Variants in EPN2 observed in about 807,000 individuals in gnomAD.
EPN2 encodes the protein epsin 2, also known as epsin-2.
Under a neutral mutation model 61.7 loss-of-function variants are expected in EPN2, and 34 were observed. The observed-to-expected ratio is 0.55, with a 90% CI of 0.42 to 0.73. EPN2 has a LOEUF of 0.73. EPN2 is among the 30% of genes least tolerant of loss of function. The pLI is 0.00. For synonymous variants in EPN2, 349 were observed against 353.6 expected, an observed-to-expected ratio of 0.99 and a Z score of 0.15; for missense variants, 714 against 839.2, an observed-to-expected ratio of 0.85 and a Z score of 1.84.
At chr17:19,261,053 G>A (rs533422967) in intron 1 of EPN2, among the ~76,000 whole-genome samples, 1 of 152,292 alleles carries the variant, frequency 6.6e-6, no homozygotes, top group South Asian at 2.1e-4. Context: ...ATGACATGCC[G>A]GCGACAGTTG....
At chr17:19,262,454 G>A (rs1390973597) in intron 1 of EPN2, among the ~76,000 whole-genome samples, 1 of 152,052 alleles carries the variant, frequency 6.6e-6, no homozygotes, top group East Asian at 1.9e-4. Context: ...CTCCAGCCTG[G>A]GCAACAGGAG....
intron 1 of EPN2, among the ~76,000 whole-genome samples, chr17:19,250,334 G>T (rs2045001513): frequency 6.6e-6 from 1 of 152,066 alleles, no homozygotes; most frequent in African/African-American, 2.4e-5. Context: ...AACCTCAAGT[G>T]ATCCGCCTGT....
chr17:19,267,565 CAG>C (rs2045213095), intron 1 of EPN2, among the ~76,000 whole-genome samples: 1 of 145,250 alleles, frequency 6.9e-6, no homozygotes, highest in Non-Finnish European at 1.5e-5. Flanking sequence ...TAAAAAAAGA[CAG>C]AGTTCCACTC....
intron 7 of EPN2, among the ~76,000 whole-genome samples, chr17:19,323,520 G>C (rs1219439895): frequency 6.6e-6 from 1 of 152,196 alleles, no homozygotes; most frequent in East Asian, 1.9e-4. Flanking sequence ...GGAAACTGCA[G>C]AACACCAGAG....
rs565907127 is a variant in EPN2 at position 19,309,372 on chromosome 17, G to A, written c.767-513G>A. ...TCTCGATCTCTTGACCTTGTGATCC[G>A]CCCGCCTCGGCCTCCCAAAGTGTGA... On this transcript the variant is annotated intron_variant, in intron 4 of 10. Transcript: ENST00000314728. Among the ~76,000 whole-genome samples the A allele has an allele frequency of 6.6e-5, 10 of 152,178 alleles. No individual in the cohort carries two copies. The South Asian group carries it at 1.9e-3, about 28-fold the overall frequency.
intron 4 of EPN2, chr17:19,307,931 G>GT: frequency 2.0e-6 from 2 of 985,362 alleles, no homozygotes; most frequent in Non-Finnish European, 2.4e-6. Flanking sequence ...TAACCTTTTA[G>GT]TTTCTCTCAA....
intron 4 of EPN2, among the ~76,000 whole-genome samples, chr17:19,291,966 T>C (rs946290346): frequency 1.8e-4 from 28 of 152,096 alleles, no homozygotes; most frequent in African/African-American, 6.3e-4. Flanking sequence ...CACAGACACA[T>C]GTGCACTTAC....
At chr17:19,307,922 A>C in intron 4 of EPN2, 2 of 985,394 alleles carry the variant, frequency 2.0e-6, no homozygotes, top group African/African-American at 3.5e-5. Flanking sequence ...AATTATTCCT[A>C]ACCTTTTAGT....
At chr17:19,310,225 A>T (rs1906054373) in intron 5 of EPN2, among the ~76,000 whole-genome samples, 1 of 152,226 alleles carries the variant, frequency 6.6e-6, no homozygotes, top group Non-Finnish European at 1.5e-5. Flanking sequence ...TTTTCTAGGA[A>T]GTCATTGCCA....
chr17:19,311,902 A>G, intron 5 of EPN2, 150 bp from the exon 6 acceptor site: 1 of 666,928 alleles, frequency 1.5e-6, no homozygotes, highest in East Asian at 2.6e-5. Context: ...CACATTTGGG[A>G]TTTGAAAGTA....
intron 1 of EPN2, among the ~76,000 whole-genome samples, chr17:19,281,028 C>T (rs757908740): frequency 3.9e-5 from 6 of 152,156 alleles, no homozygotes; most frequent in Non-Finnish European, 8.8e-5. Flanking sequence ...TGAAGAGATG[C>T]ATAGGCCAGG....
intron 1 of EPN2, among the ~76,000 whole-genome samples, chr17:19,262,484 A>G (rs2045152848): frequency 6.6e-6 from 1 of 152,196 alleles, no homozygotes; most frequent in Admixed American, 6.5e-5. Flanking sequence ...TCCATCTCAA[A>G]AACAAAACAA....
At chr17:19,250,008 C>CT (rs1487059747) in intron 1 of EPN2, among the ~76,000 whole-genome samples, 1 of 152,150 alleles carries the variant, frequency 6.6e-6, no homozygotes, top group Non-Finnish European at 1.5e-5. Flanking sequence ...CTGCCTCCCA[C>CT]TTCCACTTTT....
chr17:19,300,018 G>A (rs1256692988), intron 4 of EPN2, among the ~76,000 whole-genome samples: 2 of 152,232 alleles, frequency 1.3e-5, no homozygotes, highest in African/African-American at 4.8e-5. Context: ...TGGGCAGATG[G>A]CCGGCTGGAA....
chr17:19,239,832 A>G (rs182277884), intron 1 of EPN2, among the ~76,000 whole-genome samples: 2 of 152,304 alleles, frequency 1.3e-5, no homozygotes, highest in Admixed American at 6.5e-5. Context: ...TTCAAGTGAT[A>G]ATATCTAGCA....
intron 4 of EPN2, among the ~76,000 whole-genome samples, chr17:19,287,157 C>G (rs1271008511): frequency 6.6e-6 from 1 of 152,032 alleles, no homozygotes; most frequent in Non-Finnish European, 1.5e-5. Context: ...CCATCTTCCC[C>G]CACTGCGGCT....
chr17:19,321,822 C>T (rs1238273750), intron 7 of EPN2, among the ~76,000 whole-genome samples: 1 of 152,134 alleles, frequency 6.6e-6, no homozygotes, highest in East Asian at 1.9e-4. Context: ...CCAGGTCTCC[C>T]GTGTCCTCTG....
intron 10 of EPN2, among the ~76,000 whole-genome samples, chr17:19,333,120 T>G (rs1327829790): frequency 6.6e-6 from 1 of 152,158 alleles, no homozygotes; most frequent in Non-Finnish European, 1.5e-5. Context: ...TAGATTAGTT[T>G]CCAGCCTCCT....
chr17:19,283,067 C>G lies in EPN2; in HGVS notation c.-53C>G. On this transcript the variant is annotated 5_prime_UTR_variant, in exon 3 of 11. Coordinates refer to ENST00000314728, the MANE Select transcript of EPN2 (RefSeq NM_014964.5). This position sits in a 1 kb window ranked among gnomAD's most constrained non-coding sequence, Gnocchi z 7.0. Reference sequence around the variant, plus strand: ...TCATAGGGTGCGCACTTACCAAGGACAGGAAGGTTTCTCTGTTTGAAGGGC... The same window carrying G: ...TCATAGGGTGCGCACTTACCAAGGAGAGGAAGGTTTCTCTGTTTGAAGGGC... The G allele has an allele frequency of 7.2e-7, 1 of 1,384,648 alleles. No individual in the cohort carries two copies. Among genetic ancestry groups the G allele is most frequent in the East Asian group, 2.3e-5 (1 of 43,434 alleles). The allele number at this position is 1,384,648 out of a possible 1,614,324, so 85.8% of individuals were successfully genotyped here.
Sources: allele counts gnomAD v4.1 joint callset (sites outside exome capture counted in the v4.1 genomes callset), GRCh38; gene constraint gnomAD v4.1.1; non-coding constraint Gnocchi (gnomAD v3.1); transcripts MANE v1.5; gene names NCBI Gene and HGNC (gene_info 2026-07-23, HGNC 2026-07-21).